The following SP4 variants were observed in gnomAD, a reference collection of about 807,000 sequenced individuals.
SP4 encodes the protein Sp4 transcription factor.
Under a neutral mutation model 72.8 loss-of-function variants are expected in SP4, and 19 were observed. The ratio of observed to expected loss-of-function variants is 0.26; its 90% CI spans 0.18 to 0.38. The LOEUF (loss-of-function observed/expected upper bound fraction) is 0.38, where lower values mean the gene tolerates loss of function less well. SP4 is among the 10% of genes least tolerant of loss of function. SP4 has a pLI of 1.00. For synonymous variants in SP4, 395 were observed against 333.1 expected (o/e 1.19, Z -2.02); for missense variants, 1,008 against 926.3 (o/e 1.09, Z -1.14).
chr7:21,468,740 A>G lies in SP4; in HGVS notation c.1679-8339A>G, dbSNP rs563977551. Among the ~76,000 whole-genome samples the G allele has an allele frequency of 2.4e-4, 36 of 152,134 alleles. No homozygotes were observed. In the East Asian group the frequency reaches 6.4e-3, roughly 27 times the overall value. On this transcript the variant is annotated intron_variant, in intron 3 of 5. Coordinates refer to ENST00000222584, the MANE Select transcript of SP4 (RefSeq NM_003112.5). The stretch of plus-strand genomic sequence containing the variant: ...TCTTTATTTCTTATATAGATCTGTT[A>G]TTTCTTGCCTTACTACATTGGCTTA...
intron 5 of SP4, among the ~76,000 whole-genome samples, chr7:21,499,225 G>A (rs531353273): frequency 2.0e-5 from 3 of 152,044 alleles, no homozygotes; most frequent in South Asian, 2.1e-4. Context: ...AGAAAGGATC[G>A]GTCTTACGGT....
At position 21,466,555 on chromosome 7, in the gene SP4, C is replaced by G. The variant is rs563877294; in HGVS notation, c.1679-10524C>G. On this transcript the variant is annotated intron_variant, in intron 3 of 5. Transcript: ENST00000222584. ...TACTTTCGGCTCTACTAAACTGTTG[C>G]GCCTGTTCAGTAACTCAATATTGGT... Among the ~76,000 whole-genome samples the G allele has an allele frequency of 1.3e-5, 2 of 152,124 alleles. 1 individual carries two copies.
At chr7:21,436,026 G>A (rs929744409) in intron 3 of SP4, among the ~76,000 whole-genome samples, 7 of 152,208 alleles carry the variant, frequency 4.6e-5, no homozygotes, top group African/African-American at 1.4e-4. Context: ...AGCTCCCCAA[G>A]TAGCAGGGAC....
chr7:21,438,745 G>A (rs1783133232), intron 3 of SP4, among the ~76,000 whole-genome samples: 1 of 152,160 alleles, frequency 6.6e-6, no homozygotes, highest in Non-Finnish European at 1.5e-5. Context: ...TTTCTGAGTA[G>A]TGTGGTGAAA....
intron 5 of SP4, among the ~76,000 whole-genome samples, chr7:21,505,409 T>C (rs1781968266): frequency 6.6e-6 from 1 of 152,218 alleles, no homozygotes; most frequent in Admixed American, 6.5e-5. Flanking sequence ...TAAAAGATTA[T>C]CTATGTATTG....
At chr7:21,464,009 A>G (rs1410060051) in intron 3 of SP4, among the ~76,000 whole-genome samples, 1 of 152,178 alleles carries the variant, frequency 6.6e-6, no homozygotes, top group East Asian at 1.9e-4. Flanking sequence ...TATGTAAAGT[A>G]CTTTGCACAG....
At chr7:21,461,331 G>A (rs1282866210) in intron 3 of SP4, among the ~76,000 whole-genome samples, 2 of 152,164 alleles carry the variant, frequency 1.3e-5, no homozygotes, top group African/African-American at 4.8e-5. Flanking sequence ...CCCACGGCTG[G>A]GTGGGGGTAG....
intron 3 of SP4, among the ~76,000 whole-genome samples, chr7:21,441,627 A>C (rs1370560142): frequency 6.6e-6 from 1 of 152,196 alleles, no homozygotes; most frequent in Non-Finnish European, 1.5e-5. Context: ...AGTGTAGAAA[A>C]GTTAGAAAGC....
chr7:21,428,401 G>A (rs1376683443), intron 1 of SP4, 143 bp downstream of exon 1: 2 of 689,152 alleles, frequency 2.9e-6, no homozygotes, highest in East Asian at 2.7e-5. Flanking sequence ...GAATCGGGGA[G>A]GGAAGGAGGG....
chr7:21,485,908 G>A (rs572096689), intron 5 of SP4, among the ~76,000 whole-genome samples: 2 of 151,644 alleles, frequency 1.3e-5, no homozygotes, highest in Non-Finnish European at 2.9e-5. Flanking sequence ...TTCTCTGTTC[G>A]TTTTAGATCT....
chr7:21,489,847 T>A (rs1045151347), intron 5 of SP4, among the ~76,000 whole-genome samples: 1 of 151,936 alleles, frequency 6.6e-6, no homozygotes, highest in Non-Finnish European at 1.5e-5. Context: ...CGTGAGCCAC[T>A]GTGCCCAGCC....
intron 4 of SP4, among the ~76,000 whole-genome samples, chr7:21,481,098 T>C (rs1240746792): frequency 6.6e-6 from 1 of 152,122 alleles, no homozygotes; most frequent in African/African-American, 2.4e-5. Context: ...ATGGGCCAGG[T>C]CAAGGGCAAC....
At chr7:21,444,932 A>G (rs765113999) in intron 3 of SP4, among the ~76,000 whole-genome samples, 9 of 152,136 alleles carry the variant, frequency 5.9e-5, no homozygotes, top group African/African-American at 2.2e-4. Flanking sequence ...AGATTCCTAG[A>G]TCTTTAGCTG....
At chr7:21,462,559 G>C (rs541515164) in intron 3 of SP4, among the ~76,000 whole-genome samples, 5 of 152,054 alleles carry the variant, frequency 3.3e-5, no homozygotes, top group African/African-American at 1.2e-4. Context: ...TATGTTGAAA[G>C]TGTCTAGTTT....
chr7:21,488,209 A>G (rs1312712836), intron 5 of SP4, among the ~76,000 whole-genome samples: 1 of 152,102 alleles, frequency 6.6e-6, no homozygotes, highest in East Asian at 1.9e-4. Flanking sequence ...ACACTGTGTT[A>G]CACTGGAAGA....
intron 5 of SP4, among the ~76,000 whole-genome samples, chr7:21,486,693 C>G (rs1461500194): frequency 7.2e-5 from 11 of 151,932 alleles, no homozygotes; most frequent in Non-Finnish European, 1.3e-4. Context: ...TGATGTTAAC[C>G]CTGATGTATT....
chr7:21,493,083 C>T (rs1480497757), intron 5 of SP4, among the ~76,000 whole-genome samples: 1 of 152,016 alleles, frequency 6.6e-6, no homozygotes, highest in South Asian at 2.1e-4. Flanking sequence ...GCCTGTAGTT[C>T]CAGCTAATTG....
At chr7:21,488,479 C>CTTTTTTTT (rs59893862) in intron 5 of SP4, among the ~76,000 whole-genome samples, 34 of 133,200 alleles carry the variant, frequency 2.6e-4, no homozygotes, top group Non-Finnish European at 3.3e-4. Context: ...ACTTCCTTTC[C>CTTTTTTTT]TTTTTTTTTT....
chr7:21,469,734 A>G (rs1160457664), intron 3 of SP4, among the ~76,000 whole-genome samples: 1 of 151,818 alleles, frequency 6.6e-6, no homozygotes, highest in African/African-American at 2.4e-5. Context: ...AGTAGAGACA[A>G]GATTTCACCA....
Sources: gnomAD v4.1 joint callset for allele counts (sites outside exome capture counted in the v4.1 genomes callset) on GRCh38, gnomAD v4.1.1 for gene constraint, MANE v1.5 for transcripts, NCBI Gene and HGNC (gene_info 2026-07-23, HGNC 2026-07-21) for gene names.